The following CCSER2 variants were observed in gnomAD, a reference collection of about 807,000 sequenced individuals.
CCSER2 encodes coiled-coil serine rich protein 2.
A neutral mutation model predicts 92.3 loss-of-function variants in CCSER2; 46 were observed. The ratio of observed to expected loss-of-function variants is 0.50; its 90% CI spans 0.39 to 0.64. CCSER2 has a LOEUF of 0.64. Among genes scored for constraint, CCSER2 ranks in the 30% least tolerant of loss-of-function variants. The probability of loss-of-function intolerance (pLI) is 0.00; values close to 1 mark genes in which losing one functional copy is unlikely to be tolerated. For synonymous variants in CCSER2, 433 were observed against 431.4 expected (o/e 1.00, Z -0.04); for missense variants, 1,244 against 1,238.9 (o/e 1.00, Z -0.06).
At chr10:84,357,184 G>A (rs758513762) in intron 1 of CCSER2, among the ~76,000 whole-genome samples, 1 of 152,092 alleles carries the variant, frequency 6.6e-6, no homozygotes, top group African/African-American at 2.4e-5. Context: ...CTGCAAAGAC[G>A]GTTTGATACC....
At chr10:84,473,828 C>G (rs1846966213) in intron 8 of CCSER2, among the ~76,000 whole-genome samples, 1 of 152,128 alleles carries the variant, frequency 6.6e-6, no homozygotes, top group Non-Finnish European at 1.5e-5. Flanking sequence ...CTCTCTAGTG[C>G]TTTCTTTATC....
chr10:84,335,037 A>G (rs1843755120), intron 1 of CCSER2, among the ~76,000 whole-genome samples: 1 of 151,846 alleles, frequency 6.6e-6, no homozygotes, highest in Non-Finnish European at 1.5e-5. Flanking sequence ...ATGGTCTCCT[A>G]CCCTGTATCT....
At chr10:84,432,694 C>T (rs1390599954) in intron 5 of CCSER2, among the ~76,000 whole-genome samples, 1 of 152,108 alleles carries the variant, frequency 6.6e-6, no homozygotes, top group African/African-American at 2.4e-5. Context: ...CTTGATAGTA[C>T]TTTTTGCAGG....
chr10:84,429,520 A>G (rs1001898915), intron 5 of CCSER2, among the ~76,000 whole-genome samples: 2 of 151,996 alleles, frequency 1.3e-5, no homozygotes, highest in Admixed American at 1.3e-4. Flanking sequence ...GTTCCTTGTA[A>G]TATTTCAACT....
At chr10:84,466,774 A>G (rs1293535535) in intron 7 of CCSER2, among the ~76,000 whole-genome samples, 1 of 151,848 alleles carries the variant, frequency 6.6e-6, no homozygotes, top group African/African-American at 2.4e-5. Flanking sequence ...CGGCCTCCCA[A>G]AGTGCTGGGA....
At chr10:84,396,276 T>G (rs1841832185) in intron 3 of CCSER2, among the ~76,000 whole-genome samples, 1 of 150,454 alleles carries the variant, frequency 6.6e-6, no homozygotes. Flanking sequence ...ATATAGTATA[T>G]TATATACCAT....
intron 1 of CCSER2, among the ~76,000 whole-genome samples, chr10:84,330,147 T>G (rs994798518): frequency 3.9e-5 from 6 of 152,230 alleles, no homozygotes; most frequent in Non-Finnish European, 7.3e-5. Context: ...GGACTTTGAA[T>G]CCATATTTAC....
chr10:84,412,362 A>G (rs1296993153), intron 3 of CCSER2, among the ~76,000 whole-genome samples: 1 of 151,828 alleles, frequency 6.6e-6, no homozygotes, highest in Non-Finnish European at 1.5e-5. Flanking sequence ...TTTAAGTAGA[A>G]CTGCTACCAG....
In CCSER2 at chr10:84,371,225, G is replaced by T; in HGVS notation, c.173G>T (p.Cys58Phe). 6.2e-7 allele frequency: 1 copy of T among 1,613,200 alleles called. No individual in the cohort carries two copies. Among genetic ancestry groups the T allele is most frequent in the South Asian group, 1.1e-5 (1 of 90,890 alleles). ...KSYIKNNGSD[C>F]PSSHSFNWRK... ...TACATCAAAAATAATGGCTCTGATT[G>T]TCCATCATCTCATTCATTTAATTGG... Residue 58 changes from cysteine to phenylalanine, a missense_variant, in exon 2 of 10, where the codon TGT becomes TTT. Cys to Phe is a radical substitution (Grantham distance 205). Coordinates refer to ENST00000372088, the MANE Select transcript of CCSER2 (RefSeq NM_001284240.2).
At chr10:84,408,403 T>A (rs1051798592) in intron 3 of CCSER2, among the ~76,000 whole-genome samples, 1 of 152,186 alleles carries the variant, frequency 6.6e-6, no homozygotes, top group Non-Finnish European at 1.5e-5. Flanking sequence ...ATGTTTGATT[T>A]TCTTTTTTTC....
rs1407840731 is a variant in CCSER2 at position 84,515,952 on chromosome 10, G to T, written c.*1685G>T. 1 of 152,116 alleles carries T rather than the reference G, an allele frequency of 6.6e-6. No individual in the cohort carries two copies. The highest frequency in any genetic ancestry group is 2.4e-5 in the African/African-American group (1 of 41,426). The allele number at this position is 152,116 out of a possible 1,614,324, so 9.4% of individuals were successfully genotyped here. On this transcript the variant is annotated 3_prime_UTR_variant, in exon 10 of 10. Transcript: ENST00000372088. ...TCCCAAATCATGTCATCTTTAGGTTGTTCACCTGCAGCTGCTTTAAATGAA... is the reference window on the plus strand; with the variant it reads ...TCCCAAATCATGTCATCTTTAGGTTTTTCACCTGCAGCTGCTTTAAATGAA...
At chr10:84,482,935 C>T (rs918919788) in intron 9 of CCSER2, among the ~76,000 whole-genome samples, 1 of 152,052 alleles carries the variant, frequency 6.6e-6, no homozygotes, top group Admixed American at 6.5e-5. Flanking sequence ...TAAGAACTAA[C>T]TCTGTTATAT....
At chr10:84,419,145 A>G (rs1038111454) in intron 4 of CCSER2, among the ~76,000 whole-genome samples, 1 of 152,202 alleles carries the variant, frequency 6.6e-6, no homozygotes, top group Non-Finnish European at 1.5e-5. Flanking sequence ...CAAAGTCACA[A>G]TGTTGTTAGT....
intron 3 of CCSER2, among the ~76,000 whole-genome samples, chr10:84,417,553 G>A (rs555481828): frequency 6.6e-6 from 1 of 152,298 alleles, no homozygotes; most frequent in East Asian, 1.9e-4. Context: ...TATTGGGGAG[G>A]AAAGACTAGG....
At position 84,424,509 on chromosome 10, in the gene CCSER2, A is replaced by C. The variant is rs182068292; in HGVS notation, c.1706-1222A>C. Among the ~76,000 whole-genome samples, 711 of 152,358 alleles carry C rather than the reference A, an allele frequency of 4.7e-3. 2 individuals carry two copies. Among genetic ancestry groups the C allele is most frequent in the Middle Eastern group, 0.01 (3 of 294 alleles). ...AGAGGAAATACATTAAAATGAATTC[A>C]GTATATATGAGAACTGAACATCTAT... On this transcript the variant is annotated intron_variant, in intron 4 of 9. Transcript: ENST00000372088.
chr10:84,478,336 C>T (rs892167836), intron 9 of CCSER2, among the ~76,000 whole-genome samples: 4 of 152,164 alleles, frequency 2.6e-5, no homozygotes, highest in African/African-American at 7.2e-5. Context: ...GGACATTAGT[C>T]ATTCTGCTGT....
chr10:84,339,374 A>G (rs1195140606), intron 1 of CCSER2, among the ~76,000 whole-genome samples: 1 of 151,924 alleles, frequency 6.6e-6, no homozygotes, highest in Non-Finnish European at 1.5e-5. Flanking sequence ...CAGATTTTTT[A>G]TTAGCATACA....
chr10:84,438,987 A>G (rs1844357486), intron 6 of CCSER2, among the ~76,000 whole-genome samples: 1 of 152,148 alleles, frequency 6.6e-6, no homozygotes, highest in South Asian at 2.1e-4. Context: ...CTACATTATA[A>G]GGTTGTTGAG....
At chr10:84,415,787 G>A (rs565345698) in intron 3 of CCSER2, among the ~76,000 whole-genome samples, 5 of 152,286 alleles carry the variant, frequency 3.3e-5, no homozygotes, top group South Asian at 4.1e-4. Context: ...CAGAGATGGC[G>A]GCTGCCCCTC....
Sources: gnomAD v4.1 joint callset for allele counts (sites outside exome capture counted in the v4.1 genomes callset) on GRCh38, gnomAD v4.1.1 for gene constraint, MANE v1.5 for transcripts, NCBI Gene and HGNC (gene_info 2026-07-23, HGNC 2026-07-21) for gene names.